Variants in PPM1L observed in about 807,000 individuals in gnomAD.
The protein encoded by PPM1L is protein phosphatase 1L.
In PPM1L, 13 loss-of-function variants were observed where a neutral mutation model predicts 31.4. The observed-to-expected ratio is 0.41, with a 90% CI of 0.27 to 0.66. The LOEUF is 0.66. PPM1L is among the 30% of genes least tolerant of loss of function. The probability of loss-of-function intolerance (pLI) is 0.29; values close to 1 mark genes in which losing one functional copy is unlikely to be tolerated. For synonymous variants in PPM1L, 184 were observed against 175.4 expected, an observed-to-expected ratio of 1.05 and a Z score of -0.39; for missense variants, 326 against 453.7, an observed-to-expected ratio of 0.72 and a Z score of 2.56.
At chr3:160,835,009 A>C (rs561814206) in intron 1 of PPM1L, among the ~76,000 whole-genome samples, 1 of 149,078 alleles carries the variant, frequency 6.7e-6, no homozygotes, top group Non-Finnish European at 1.5e-5. Flanking sequence ...CTGACAACCT[A>C]TTACTACTAC....
intron 1 of PPM1L, among the ~76,000 whole-genome samples, chr3:160,938,235 G>C (rs1715043655): frequency 6.6e-6 from 1 of 152,120 alleles, no homozygotes; most frequent in Non-Finnish European, 1.5e-5. Context: ...TTTCTTAGCT[G>C]GTTCTGTTAA....
Position 160,763,955 on chromosome 3 carries a change from A to G in PPM1L, c.399+7248A>G, listed in dbSNP as rs187802937. On this transcript the variant is annotated intron_variant, in intron 1 of 3. Coordinates refer to ENST00000498165, the MANE Select transcript of PPM1L (RefSeq NM_139245.4). The stretch of plus-strand genomic sequence containing the variant: ...ACTTAATGAATGTCAAAATAAATCT[A>G]CAGCAAAGCCAAATATATTTTAAAG... Among the ~76,000 whole-genome samples, 162 of 152,348 alleles carry G rather than the reference A, an allele frequency of 1.1e-3. 2 individuals are homozygous for G. Among genetic ancestry groups the G allele is most frequent in the African/African-American group, 2.8e-3 (116 of 41,586 alleles).
At position 161,069,209 on chromosome 3, in the gene PPM1L, T is replaced by C. The variant is rs750396068; in HGVS notation, c.*52T>C. On this transcript the variant is annotated 3_prime_UTR_variant, in exon 4 of 4. Coordinates refer to ENST00000498165, the MANE Select transcript of PPM1L (RefSeq NM_139245.4). ...GACTAAAGGACTTTCAACACACTGG[T>C]CTCTTTTAATTTAGTGAAAAGTGTG... The C allele has an allele frequency of 4.2e-5, 56 of 1,322,616 alleles. No homozygotes were observed. The highest frequency in any genetic ancestry group is 5.6e-5 in the Non-Finnish European group (54 of 960,786). 81.9% of individuals were successfully genotyped at this position (1,322,616 alleles called of 1,614,324 possible). A position where few individuals can be genotyped will look rare whatever the true frequency, so the allele number is the denominator to read the frequency against.
At chr3:160,977,613 T>C (rs1716640375) in intron 2 of PPM1L, among the ~76,000 whole-genome samples, 1 of 152,184 alleles carries the variant, frequency 6.6e-6, no homozygotes, top group South Asian at 2.1e-4. Context: ...TAACACAAAT[T>C]ATATTTTTAT....
intron 2 of PPM1L, among the ~76,000 whole-genome samples, chr3:161,043,779 T>C (rs974978777): frequency 6.6e-6 from 1 of 152,180 alleles, no homozygotes; most frequent in Non-Finnish European, 1.5e-5. Context: ...CTGGAAACAT[T>C]GCGTTCTAAA....
At chr3:161,034,258 T>C (rs1347436956) in intron 2 of PPM1L, among the ~76,000 whole-genome samples, 1 of 152,168 alleles carries the variant, frequency 6.6e-6, no homozygotes, top group Non-Finnish European at 1.5e-5. Context: ...CGTAAATTAG[T>C]TCAGCCATTG....
In PPM1L at chr3:160,756,894, A is replaced by G. The variant is rs1714824452; in HGVS notation, c.399+187A>G. On this transcript the variant is annotated intron_variant, in intron 1 of 3. Transcript: ENST00000498165. This position sits in a 1 kb window ranked among gnomAD's most constrained non-coding sequence, Gnocchi z 6.2. ...CTGGACAAATGCGGCTCAAGTTGCC[A>G]AAAGCACTGCTGGATCCAGACTTCT... is the stretch of plus-strand genomic sequence containing the variant. 6.6e-6 allele frequency among the ~76,000 whole-genome samples: 1 copy of G among 152,024 alleles called. No individual in the cohort carries two copies. The highest frequency in any genetic ancestry group is 2.1e-4 in the South Asian group (1 of 4,812).
chr3:161,005,390 A>G (rs1011779255), intron 2 of PPM1L, among the ~76,000 whole-genome samples: 2 of 152,220 alleles, frequency 1.3e-5, no homozygotes, highest in African/African-American at 2.4e-5. Flanking sequence ...AAATGATGCA[A>G]TTAACTATGA....
intron 2 of PPM1L, among the ~76,000 whole-genome samples, chr3:161,064,345 T>C (rs1198336346): frequency 1.3e-5 from 2 of 151,112 alleles, no homozygotes; most frequent in African/African-American, 4.9e-5. Context: ...CTAGCCTAGA[T>C]GACAGAGCAA....
chr3:160,919,737 C>T (rs1714323298), intron 1 of PPM1L, among the ~76,000 whole-genome samples: 1 of 152,086 alleles, frequency 6.6e-6, no homozygotes, highest in African/African-American at 2.4e-5. Flanking sequence ...AAATATCCCC[C>T]TTTCAGAAAA....
At chr3:160,786,151 C>CTGTGTGTGTG (rs1318787874) in intron 1 of PPM1L, among the ~76,000 whole-genome samples, 239 of 85,474 alleles carry the variant, frequency 2.8e-3, no homozygotes, top group Middle Eastern at 9.8e-3. Context: ...CTCTCTCTCT[C>CTGTGTGTGTG]TCTCTCTGTG....
intron 1 of PPM1L, among the ~76,000 whole-genome samples, chr3:160,802,494 C>T (rs962762833): frequency 1.3e-5 from 2 of 152,140 alleles, no homozygotes; most frequent in African/African-American, 2.4e-5. Context: ...CTCATTTGAT[C>T]GTTAGGAAGA....
chr3:161,050,461 A>T (rs2108098044), intron 2 of PPM1L, among the ~76,000 whole-genome samples: 1 of 152,322 alleles, frequency 6.6e-6, no homozygotes, highest in South Asian at 2.1e-4. Flanking sequence ...AAGTTTTTTT[A>T]AAAATTCAAA....
chr3:160,812,773 C>G (rs1005508146), intron 1 of PPM1L, among the ~76,000 whole-genome samples: 4 of 152,144 alleles, frequency 2.6e-5, no homozygotes, highest in Non-Finnish European at 5.9e-5. Flanking sequence ...AGGGGGGCAG[C>G]TGGCCAGGAT....
intron 1 of PPM1L, among the ~76,000 whole-genome samples, chr3:160,898,431 G>A (rs1453694061): frequency 6.6e-6 from 1 of 152,180 alleles, no homozygotes; most frequent in African/African-American, 2.4e-5. Flanking sequence ...AGTGAGACCT[G>A]CTTAGGGCCC....
At chr3:160,831,126 C>T in intron 1 of PPM1L, among the ~76,000 whole-genome samples, 1 of 152,146 alleles carries the variant, frequency 6.6e-6, no homozygotes, top group Non-Finnish European at 1.5e-5. Context: ...CTGGTGGACA[C>T]ATATTTAAAA....
intron 2 of PPM1L, among the ~76,000 whole-genome samples, chr3:161,039,154 G>A (rs142949652): frequency 0.025 from 3,806 of 152,274 alleles, 83 homozygotes; most frequent in South Asian, 0.043. Context: ...GGGCTGCTCC[G>A]TCTATGGAGT....
intron 1 of PPM1L, among the ~76,000 whole-genome samples, chr3:160,785,223 G>T (rs1711869602): frequency 6.6e-6 from 1 of 152,048 alleles, no homozygotes; most frequent in Non-Finnish European, 1.5e-5. Flanking sequence ...CATTTTTATA[G>T]AAAAGAATTT....
At chr3:160,956,389 C>T (rs2108103350) in intron 1 of PPM1L, among the ~76,000 whole-genome samples, 1 of 152,320 alleles carries the variant, frequency 6.6e-6, no homozygotes, top group East Asian at 1.9e-4. Flanking sequence ...AACTTTTTTG[C>T]ACTTTCTTCC....
Sources: gnomAD v4.1 joint callset for allele counts (sites outside exome capture counted in the v4.1 genomes callset) on GRCh38, gnomAD v4.1.1 for gene constraint, Gnocchi (gnomAD v3.1) non-coding constraint, MANE v1.5 for transcripts, NCBI Gene and HGNC (gene_info 2026-07-23, HGNC 2026-07-21) for gene names.